Variants in DGKI observed in about 807,000 individuals in gnomAD.
DGKI encodes the protein DAG kinase iota.
In DGKI, 55 loss-of-function variants were observed where a neutral mutation model predicts 147.5. That is an observed-to-expected ratio of 0.37 (90% confidence interval 0.30 to 0.47). DGKI has a LOEUF of 0.47. Among genes scored for constraint, DGKI ranks in the 20% least tolerant of loss-of-function variants. The probability of loss-of-function intolerance (pLI) is 1.00; values close to 1 mark genes in which losing one functional copy is unlikely to be tolerated. For missense variants in DGKI, 1,007 were observed against 1,323.8 expected (o/e 0.76, Z 3.71); for synonymous variants, 469 against 477.1 (o/e 0.98, Z 0.22).
intron 18 of DGKI, 148 bp from the exon 19 acceptor site, chr7:137,571,434 T>C (rs1818789820): frequency 1.6e-6 from 1 of 620,448 alleles, no homozygotes; most frequent in Non-Finnish European, 2.8e-6. Context: ...GAAAAGGAAA[T>C]GCACTTCTTA....
Position 137,381,370 on chromosome 7 carries a change from A to G in DGKI, c.*9850T>C, listed in dbSNP as rs752117577. Reference sequence around the variant, plus strand: ...CTGGAAATAAAACTTTAATCTTTCTACTGCCACAGCTGCTACTTGTTTATG... The same window carrying G: ...CTGGAAATAAAACTTTAATCTTTCTGCTGCCACAGCTGCTACTTGTTTATG... On this transcript the variant is annotated 3_prime_UTR_variant, in exon 33 of 33. Coordinates refer to ENST00000614521, the MANE Select transcript of DGKI (RefSeq NM_001321708.2). 2 of 136,798 alleles carry G rather than the reference A, an allele frequency of 1.5e-5. No homozygotes were observed. The highest frequency in any genetic ancestry group is 1.7e-4 in the Admixed American group (2 of 11,600). The allele number at this position is 136,798 out of a possible 1,614,324, so 8.5% of individuals were successfully genotyped here. A position where few individuals can be genotyped will look rare whatever the true frequency, so the allele number is the denominator to read the frequency against.
At chr7:137,841,447 C>T (rs1178368703) in intron 1 of DGKI, among the ~76,000 whole-genome samples, 2 of 152,204 alleles carry the variant, frequency 1.3e-5, no homozygotes, top group Non-Finnish European at 2.9e-5. Context: ...TTACTTCTGA[C>T]CTTTCTTTCA....
At chr7:137,733,552 A>G (rs1688146600) in intron 1 of DGKI, among the ~76,000 whole-genome samples, 3 of 152,074 alleles carry the variant, frequency 2.0e-5, no homozygotes. Flanking sequence ...ACAAAGTTTT[A>G]TCCTTCTTTG....
intron 10 of DGKI, among the ~76,000 whole-genome samples, chr7:137,604,494 T>G (rs754939696): frequency 3.9e-5 from 6 of 152,136 alleles, no homozygotes; most frequent in Non-Finnish European, 7.4e-5. Flanking sequence ...GAAAGCCGAT[T>G]CCCAGATGGT....
chr7:137,559,476 C>G (rs952734600), intron 19 of DGKI, among the ~76,000 whole-genome samples: 2 of 151,978 alleles, frequency 1.3e-5, no homozygotes, highest in African/African-American at 4.8e-5. Context: ...TCCAGCCACT[C>G]TAAACTGCTA....
At chr7:137,711,038 C>A (rs559467889) in intron 1 of DGKI, among the ~76,000 whole-genome samples, 3 of 152,272 alleles carry the variant, frequency 2.0e-5, no homozygotes, top group South Asian at 4.1e-4. Flanking sequence ...TCCTCCTCCC[C>A]CTTTTCTTCT....
chr7:137,588,556 A>G (rs536973877), intron 12 of DGKI, among the ~76,000 whole-genome samples: 207 of 146,996 alleles, frequency 1.4e-3, no homozygotes, highest in Middle Eastern at 7.2e-3. Flanking sequence ...CGCTCACTGC[A>G]AGCTCCACCT....
chr7:137,677,043 G>A (rs577664597), intron 3 of DGKI, among the ~76,000 whole-genome samples: 6 of 152,118 alleles, frequency 3.9e-5, no homozygotes, highest in East Asian at 1.9e-4. Flanking sequence ...CAGTGTTTAC[G>A]CAATTAACCA....
At chr7:137,643,555 C>G (rs1247898281) in intron 6 of DGKI, among the ~76,000 whole-genome samples, 1 of 152,140 alleles carries the variant, frequency 6.6e-6, no homozygotes, top group Non-Finnish European at 1.5e-5. Context: ...ATTATAAACA[C>G]AAGAGATGAC....
At chr7:137,656,896 C>T (rs1822246808) in intron 3 of DGKI, among the ~76,000 whole-genome samples, 1 of 152,126 alleles carries the variant, frequency 6.6e-6, no homozygotes, top group Admixed American at 6.6e-5. Flanking sequence ...TATTCTCTTC[C>T]ATTTTAAAAT....
intron 20 of DGKI, among the ~76,000 whole-genome samples, chr7:137,532,472 A>G (rs1393717281): frequency 6.6e-6 from 1 of 152,178 alleles, no homozygotes; most frequent in East Asian, 1.9e-4. Flanking sequence ...GTTTTTCTTC[A>G]TTAGTAGGTA....
intron 5 of DGKI, among the ~76,000 whole-genome samples, chr7:137,651,301 C>G (rs1781679760): frequency 6.6e-6 from 1 of 152,024 alleles, no homozygotes; most frequent in African/African-American, 2.4e-5. Flanking sequence ...GTGCTGATAA[C>G]AGAATTGGAG....
chr7:137,568,169 A>G (rs1627230), intron 19 of DGKI, among the ~76,000 whole-genome samples: 33,082 of 152,142 alleles, frequency 0.22, 6,349 homozygotes, highest in African/African-American at 0.51. Flanking sequence ...CCTTACCCAC[A>G]TCTTTAGCAC....
chr7:137,640,293 T>C (rs1303902113), intron 6 of DGKI, among the ~76,000 whole-genome samples: 4 of 152,090 alleles, frequency 2.6e-5, no homozygotes, highest in South Asian at 2.1e-4. Context: ...TCAAAACTCA[T>C]AGGAGCAGAG....
At chr7:137,694,319 C>CAAA (rs56163124) in intron 1 of DGKI, among the ~76,000 whole-genome samples, 1 of 77,750 alleles carries the variant, frequency 1.3e-5, no homozygotes. Context: ...GACTCCGTCT[C>CAAA]AAAAAAAAAA....
In DGKI at chr7:137,495,678, C is replaced by T. The variant is rs778451892; in HGVS notation, c.2249-7989G>A. Among the ~76,000 whole-genome samples the T allele has an allele frequency of 1.6e-4, 25 of 151,984 alleles. No homozygotes were observed. The South Asian group carries it at 2.5e-3, about 15-fold the overall frequency. ...CATACACGAATCAATAAATGTGATACATCATATAAATAGAACTAAAGACCA... is the reference window on the plus strand; with the variant it reads ...CATACACGAATCAATAAATGTGATATATCATATAAATAGAACTAAAGACCA... On this transcript the variant is annotated intron_variant, in intron 21 of 32. Coordinates refer to ENST00000614521, the MANE Select transcript of DGKI (RefSeq NM_001321708.2).
chr7:137,652,944 C>T (rs1419471726), intron 5 of DGKI, among the ~76,000 whole-genome samples: 1 of 152,204 alleles, frequency 6.6e-6, no homozygotes, highest in Non-Finnish European at 1.5e-5. Flanking sequence ...CAGTCTTCCT[C>T]ATAAGCTCCA....
chr7:137,578,207 A>C (rs1419194670), intron 16 of DGKI, 63 bp downstream of exon 16: 6 of 1,204,238 alleles, frequency 5.0e-6, no homozygotes, highest in Non-Finnish European at 7.4e-6. Flanking sequence ...TTGCAACTTT[A>C]TGATACACAG....
In DGKI at chr7:137,405,153, T is replaced by C. The variant is rs554383049; in HGVS notation, c.2920+2722A>G. Among the ~76,000 whole-genome samples the C allele has an allele frequency of 1.6e-4, 24 of 152,342 alleles. 1 individual carries two copies. The highest frequency in any genetic ancestry group is 5.3e-4 in the African/African-American group (22 of 41,584). On this transcript the variant is annotated intron_variant, in intron 30 of 32. Coordinates refer to ENST00000614521, the MANE Select transcript of DGKI (RefSeq NM_001321708.2). ...TCATCATTCATGTCCCTGGGGCAAC[T>C]CAGATGAGGAGTTCTGCTGTTTTCA...
Sources: gnomAD v4.1 joint callset for allele counts (sites outside exome capture counted in the v4.1 genomes callset) on GRCh38, gnomAD v4.1.1 for gene constraint, MANE v1.5 for transcripts, NCBI Gene and HGNC (gene_info 2026-07-23, HGNC 2026-07-21) for gene names.